The following OPHN1 variants were observed in gnomAD, a reference collection of about 807,000 sequenced individuals.
The protein encoded by OPHN1 is oligophrenin 1, also known as oligophrenin-1.
Under a neutral mutation model 60.7 loss-of-function variants are expected in OPHN1, and 11 were observed. The observed-to-expected ratio is 0.18, with a 90% CI of 0.11 to 0.30. The LOEUF is 0.30. Ranked by LOEUF, OPHN1 falls within the 10% of genes least tolerant of loss-of-function variation. The pLI is 1.00. For missense variants in OPHN1, 449 were observed against 611.0 expected (o/e 0.73, Z 2.80); for synonymous variants, 226 against 222.6 (o/e 1.02, Z -0.14).
upstream of OPHN1, chrX:68,433,613 C>T (rs752869318): frequency 3.1e-5 from 9 of 294,757 alleles, no homozygotes; most frequent in Middle Eastern, 8.7e-4. Flanking sequence ...GCTCCTTCCT[C>T]AACTGTTTTC....
At chrX:68,424,522 T>C (rs1380074784) in intron 2 of OPHN1, among the ~76,000 whole-genome samples, 1 of 111,783 alleles carries the variant, frequency 8.9e-6, no homozygotes, top group Admixed American at 9.6e-5. Flanking sequence ...TGGAAAAGTG[T>C]GTAACTTTCC....
rs2078667077 is a variant in OPHN1, at chrX:68,393,885, G to GTTTGTT, written c.154+38981_154+38982insAACAAA. Among the ~76,000 whole-genome samples, 115 of 34,581 alleles carry GTTTGTT rather than the reference G, an allele frequency of 3.3e-3. 6 individuals are homozygous for GTTTGTT. The highest frequency in any genetic ancestry group is 5.2e-3 in the Non-Finnish European group (106 of 20,288). The allele number at this position is 34,581 out of a possible 115,157, so 30.0% of individuals were successfully genotyped here. On this transcript the variant is annotated intron_variant, in intron 2 of 24. Transcript: ENST00000355520. The stretch of plus-strand genomic sequence containing the variant: ...CTATCAAGGTGATCCAATAGACTTT[G>GTTTGTT]TTTTTTTTTTTTTTTTTTTTTTTTT...
rs1285269615 is a variant in OPHN1, at chrX:68,063,809, T to C, written c.2158+45A>G. The C allele has an allele frequency of 3.8e-6, 4 of 1,050,807 alleles. No individual in the cohort carries two copies. The South Asian group carries it at 7.1e-5, about 19-fold the overall frequency. 86.6% of individuals were successfully genotyped at this position (1,050,807 alleles called of 1,213,427 possible). On this transcript the variant is annotated intron_variant, in intron 21 of 24. Transcript: ENST00000355520. The stretch of plus-strand genomic sequence containing the variant: ...CTCAGAAGGATCTCAAGGTGAAAAG[T>C]AGTTAGGGTCAGCTCTGGCTCCCAT...
intron 2 of OPHN1, among the ~76,000 whole-genome samples, chrX:68,303,881 G>A (rs2078132913): frequency 9.0e-6 from 1 of 110,607 alleles, no homozygotes; most frequent in East Asian, 2.8e-4. Flanking sequence ...GGTTACTAGA[G>A]GCTTGGAAGG....
intron 5 of OPHN1, among the ~76,000 whole-genome samples, chrX:68,269,469 C>G (rs1431036784): frequency 9.0e-6 from 1 of 111,344 alleles, no homozygotes; most frequent in Non-Finnish European, 1.9e-5. Context: ...ACAAACCTGA[C>G]AAAAACAAGA....
At chrX:68,305,528 C>G (rs1168955381) in intron 2 of OPHN1, among the ~76,000 whole-genome samples, 2 of 112,436 alleles carry the variant, frequency 1.8e-5, no homozygotes, top group Non-Finnish European at 3.7e-5. Context: ...TTCCTAATCT[C>G]TCACCTCTTG....
At position 68,221,604 on chromosome X, in the gene OPHN1, G is replaced by C. The variant is rs1324824434; in HGVS notation, c.487-7632C>G. On this transcript the variant is annotated intron_variant, in intron 6 of 24. Coordinates refer to ENST00000355520, the MANE Select transcript of OPHN1 (RefSeq NM_002547.3). ...AGAGATAGACCAATGGAACAGAACA[G>C]AGCCCTCAGAAATAATGCCGCATAC... Among the ~76,000 whole-genome samples, 14 of 90,223 alleles carry C rather than the reference G, an allele frequency of 1.6e-4. 2 individuals are homozygous for C. The Admixed American group carries it at 1.6e-3, about 11-fold the overall frequency. 78.3% of individuals were successfully genotyped at this position (90,223 alleles called of 115,157 possible).
intron 2 of OPHN1, among the ~76,000 whole-genome samples, chrX:68,426,079 G>A (rs1218926786): frequency 1.8e-5 from 2 of 111,004 alleles, no homozygotes; most frequent in Admixed American, 1.9e-4. Flanking sequence ...CGACCCACCC[G>A]CCTTGGCTTC....
chrX:68,070,212 C>T (rs2076927912), intron 20 of OPHN1, among the ~76,000 whole-genome samples: 1 of 111,675 alleles, frequency 9.0e-6, no homozygotes, highest in Non-Finnish European at 1.9e-5. Context: ...TAAGCTACAT[C>T]AAAAGAGAAC....
chrX:68,053,752 G>T lies in OPHN1; in HGVS notation c.2217C>A (p.Arg739=), dbSNP rs781261311. The T allele has an allele frequency of 1.1e-5, 13 of 1,210,959 alleles. No homozygotes were observed. The highest frequency in any genetic ancestry group is 2.3e-4 in the Middle Eastern group (1 of 4,348). Reference sequence around the variant, plus strand: ...GAGGATCTGGGGGCCTCACTGGGGGGCGGATGATGGTTGGCTTTTCTCCTG... The same window carrying T: ...GAGGATCTGGGGGCCTCACTGGGGGTCGGATGATGGTTGGCTTTTCTCCTG... ...RPPGEKPTII[R]PPVRPPDPPC... The change falls in exon 22 of 25, where the codon CGC becomes CGA. Residue 739 remains arginine (R), a synonymous_variant. Coordinates refer to ENST00000355520, the MANE Select transcript of OPHN1 (RefSeq NM_002547.3).
At chrX:68,218,364 T>A (rs1414656060) in intron 6 of OPHN1, among the ~76,000 whole-genome samples, 3 of 98,704 alleles carry the variant, frequency 3.0e-5, no homozygotes, top group African/African-American at 1.1e-4. Context: ...TGCAGGATAT[T>A]ATCCAAGAGA....
At chrX:68,356,566 C>T (rs945750404) in intron 2 of OPHN1, among the ~76,000 whole-genome samples, 1 of 110,726 alleles carries the variant, frequency 9.0e-6, no homozygotes, top group Non-Finnish European at 1.9e-5. Flanking sequence ...GTGCCTGCCA[C>T]CACGCCTGGC....
chrX:68,288,289 A>G (rs1355801955), intron 3 of OPHN1, among the ~76,000 whole-genome samples: 2 of 111,893 alleles, frequency 1.8e-5, no homozygotes, highest in East Asian at 5.7e-4. Context: ...TCACACAGCT[A>G]GCTGAACAGT....
At position 68,136,179 on chromosome X, in the gene OPHN1, A is replaced by G. The variant is rs745844060; in HGVS notation, c.1277-16847T>C. On this transcript the variant is annotated intron_variant, in intron 15 of 24. Coordinates refer to ENST00000355520, the MANE Select transcript of OPHN1 (RefSeq NM_002547.3). The stretch of plus-strand genomic sequence containing the variant: ...TATTAAATATAAAGTTATTAAATAT[A>G]TGTGTGTGTGTGTGTATAACAAAGA... 1.7e-4 allele frequency among the ~76,000 whole-genome samples: 19 copies of G among 109,713 alleles called. No individual in the cohort carries two copies. In the South Asian group the frequency reaches 7.1e-3, roughly 41 times the overall value.
chrX:68,227,430 C>T (rs1366947772), intron 6 of OPHN1, among the ~76,000 whole-genome samples: 1 of 111,282 alleles, frequency 9.0e-6, no homozygotes, highest in African/African-American at 3.3e-5. Flanking sequence ...ACAGAACTCT[C>T]CACCCCAAAT....
At chrX:68,408,037 G>A (rs1285840403) in intron 2 of OPHN1, among the ~76,000 whole-genome samples, 5 of 111,989 alleles carry the variant, frequency 4.5e-5, no homozygotes, top group East Asian at 2.8e-4. Context: ...ACTCCTGGAC[G>A]TAAGCAACCC....
At chrX:68,129,337 G>C (rs1555995) in intron 15 of OPHN1, among the ~76,000 whole-genome samples, 51,205 of 109,877 alleles carry the variant, frequency 0.47, 10,363 homozygotes, top group South Asian at 0.7. Context: ...GTACCAAACT[G>C]CATGAGAGTC....
chrX:68,256,663 T>C (rs1330450376), intron 5 of OPHN1, among the ~76,000 whole-genome samples: 1 of 112,168 alleles, frequency 8.9e-6, no homozygotes, highest in Non-Finnish European at 1.9e-5. Context: ...TGACTTCATG[T>C]CTCTGTGTCA....
chrX:68,287,471 A>C (rs2078050354), intron 3 of OPHN1, among the ~76,000 whole-genome samples: 1 of 110,001 alleles, frequency 9.1e-6, no homozygotes, highest in African/African-American at 3.3e-5. Context: ...TCTCAAAAAA[A>C]AAAAAAAAAT....
Sources: gnomAD v4.1 joint callset for allele counts (sites outside exome capture counted in the v4.1 genomes callset) on GRCh38, gnomAD v4.1.1 for gene constraint, MANE v1.5 for transcripts, NCBI Gene and HGNC (gene_info 2026-07-23, HGNC 2026-07-21) for gene names.